Variants in ADAMTS17 observed in about 807,000 individuals in gnomAD.
ADAMTS17 encodes the protein A disintegrin and metalloproteinase with thrombospondin motifs 17.
A neutral mutation model predicts 141.5 loss-of-function variants in ADAMTS17; 113 were observed. That is an observed-to-expected ratio of 0.80 (90% confidence interval 0.69 to 0.93). ADAMTS17 has a LOEUF of 0.93. ADAMTS17 is among the 40% of genes least tolerant of loss of function. The probability of loss-of-function intolerance (pLI) is 0.00; values close to 1 mark genes in which losing one functional copy is unlikely to be tolerated. For missense variants in ADAMTS17, 1,659 were observed against 1,517.9 expected (o/e 1.09, Z -1.54); for synonymous variants, 768 against 630.6 (o/e 1.22, Z -3.27).
rs182080623 is a variant in ADAMTS17, at chr15:100,122,971, G to A, written c.1722-5958C>T. Among the ~76,000 whole-genome samples, 288 of 152,320 alleles carry A rather than the reference G, an allele frequency of 1.9e-3. 1 individual carries two copies. In the South Asian group the frequency reaches 0.026, roughly 14 times the overall value. On this transcript the variant is annotated intron_variant, in intron 12 of 21. Coordinates refer to ENST00000268070, the MANE Select transcript of ADAMTS17 (RefSeq NM_139057.4). ...ACAGAAAGAGGCATCCTCCATCTGC[G>A]GCATAGAGAAGACAGAAGGAGAATC...
At chr15:100,157,694 G>T (rs1014800454) in intron 8 of ADAMTS17, among the ~76,000 whole-genome samples, 1 of 152,114 alleles carries the variant, frequency 6.6e-6, no homozygotes, top group African/African-American at 2.4e-5. Context: ...AAAAATACCG[G>T]ACAACTCATA....
At chr15:100,260,443 A>G (rs1482436373) in intron 6 of ADAMTS17, among the ~76,000 whole-genome samples, 4 of 151,870 alleles carry the variant, frequency 2.6e-5, no homozygotes, top group Non-Finnish European at 5.9e-5. Context: ...GTGAAACCCC[A>G]TCTCTACTAA....
intron 8 of ADAMTS17, among the ~76,000 whole-genome samples, chr15:100,197,205 C>T (rs1047265856): frequency 5.3e-5 from 8 of 152,194 alleles, no homozygotes; most frequent in East Asian, 1.9e-4. Context: ...GGCATGTGTG[C>T]GCCCACACGT....
intron 15 of ADAMTS17, among the ~76,000 whole-genome samples, chr15:100,078,384 T>C (rs1182569881): frequency 6.6e-6 from 1 of 152,180 alleles, no homozygotes; most frequent in Non-Finnish European, 1.5e-5. Flanking sequence ...GGTAATGGCA[T>C]AAGGACAGTC....
chr15:100,126,177 G>T (rs1203442385), intron 12 of ADAMTS17: 1 of 152,202 alleles, frequency 6.6e-6, no homozygotes, highest in Admixed American at 6.5e-5. Context: ...CATAAAACAC[G>T]CCACATCCTG....
intron 10 of ADAMTS17, among the ~76,000 whole-genome samples, chr15:100,134,471 C>A (rs1158082935): frequency 3.3e-5 from 5 of 152,160 alleles, no homozygotes; most frequent in African/African-American, 1.2e-4. Context: ...AAGACATCAC[C>A]CTCCAGGGTG....
At chr15:100,038,016 T>C (rs2030912207) in intron 18 of ADAMTS17, among the ~76,000 whole-genome samples, 1 of 152,062 alleles carries the variant, frequency 6.6e-6, no homozygotes, top group Non-Finnish European at 1.5e-5. Flanking sequence ...ACTCAAGCAA[T>C]CCTCTAAAGT....
chr15:100,095,867 A>G (rs11853790), intron 15 of ADAMTS17, among the ~76,000 whole-genome samples: 34,981 of 152,186 alleles, frequency 0.23, 5,173 homozygotes, highest in East Asian at 0.48. Flanking sequence ...CAGGAGGCTC[A>G]GGTACTCCGG....
At chr15:100,063,883 C>T (rs879162245) in intron 15 of ADAMTS17, 107 of 579,226 alleles carry the variant, frequency 1.8e-4, no homozygotes, top group East Asian at 1.6e-3. Flanking sequence ...GGAGGGCTGG[C>T]GCAGAAGAAG....
rs200327256 is a variant in ADAMTS17, at chr15:100,132,008, G to A, written c.1720C>T (p.Pro574Ser). 227 of 1,614,236 alleles carry A rather than the reference G, an allele frequency of 1.4e-4. No homozygotes were observed. Among genetic ancestry groups the A allele is most frequent in the Non-Finnish European group, 1.7e-4 (206 of 1,180,042 alleles). ...RFRQRKCDNP[P>S]PGPGGTHCPG... ...GGTATGGCTGGTCAGGGGACTTACG[G>A]GGGGTTGTCACATTTCCTCTGCCTG... Residue 574 changes from proline (P) to serine (S), a missense_variant and splice_region_variant, in exon 12 of 22, where the codon CCC becomes TCC. Physicochemically the swap from Pro to Ser is moderately conservative, Grantham distance 74 (BLOSUM62 -1). Coordinates refer to ENST00000268070, the MANE Select transcript of ADAMTS17 (RefSeq NM_139057.4).
chr15:100,269,729 C>G (rs999692715), intron 4 of ADAMTS17, among the ~76,000 whole-genome samples: 10 of 152,174 alleles, frequency 6.6e-5, no homozygotes, highest in Admixed American at 5.9e-4. Flanking sequence ...AGAGGTCAAG[C>G]CTGCATGACC....
intron 14 of ADAMTS17, among the ~76,000 whole-genome samples, chr15:100,097,488 C>A (rs899103679): frequency 1.3e-4 from 20 of 152,238 alleles, no homozygotes; most frequent in African/African-American, 4.6e-4. Context: ...CAGGTACTCC[C>A]ACCTGCAGGC....
chr15:100,187,145 C>T (rs2040747270), intron 8 of ADAMTS17, among the ~76,000 whole-genome samples: 1 of 152,194 alleles, frequency 6.6e-6, no homozygotes. Context: ...CACTGCACAT[C>T]CCTGGTGTGT....
In ADAMTS17 at chr15:100,016,622, A is replaced by C. The variant is rs146097101; in HGVS notation, c.2592-19033T>G. Among the ~76,000 whole-genome samples the C allele has an allele frequency of 1.7e-3, 259 of 152,232 alleles. 1 individual carries two copies. The highest frequency in any genetic ancestry group is 6.0e-3 in the African/African-American group (248 of 41,524). ...GCTTCCTGTGAGCCGAACTGAAGTGATTGCTGTCTCTCTTCTGGGTCTAGC... is the reference window on the plus strand; with the variant it reads ...GCTTCCTGTGAGCCGAACTGAAGTGCTTGCTGTCTCTCTTCTGGGTCTAGC... On this transcript the variant is annotated intron_variant, in intron 18 of 21. Coordinates refer to ENST00000268070, the MANE Select transcript of ADAMTS17 (RefSeq NM_139057.4).
intron 8 of ADAMTS17, among the ~76,000 whole-genome samples, chr15:100,171,970 A>G (rs1266573478): frequency 6.6e-6 from 1 of 152,152 alleles, no homozygotes; most frequent in East Asian, 1.9e-4. Flanking sequence ...CCCTCTCTGA[A>G]AAGCACATAA....
intron 10 of ADAMTS17, among the ~76,000 whole-genome samples, chr15:100,145,066 T>G (rs1338658484): frequency 6.6e-6 from 1 of 152,220 alleles, no homozygotes; most frequent in Non-Finnish European, 1.5e-5. Context: ...TCATATTTCA[T>G]CATTTTTTGT....
intron 7 of ADAMTS17, among the ~76,000 whole-genome samples, chr15:100,249,243 C>G (rs557872112): frequency 6.6e-6 from 1 of 152,322 alleles, no homozygotes; most frequent in South Asian, 2.1e-4. Context: ...CACTAGCACC[C>G]CTGTGAAGCC....
At chr15:100,315,043 C>G (rs917847959) in intron 3 of ADAMTS17, among the ~76,000 whole-genome samples, 3 of 152,230 alleles carry the variant, frequency 2.0e-5, no homozygotes, top group Non-Finnish European at 2.9e-5. Context: ...CCCGCCGGCT[C>G]TGTTGTAATG....
chr15:100,285,747 G>A (rs2044425981), intron 3 of ADAMTS17, among the ~76,000 whole-genome samples: 1 of 152,192 alleles, frequency 6.6e-6, no homozygotes, highest in African/African-American at 2.4e-5. Flanking sequence ...AGGTGGCAGG[G>A]GCAGGACTCC....
Sources: allele counts gnomAD v4.1 joint callset (sites outside exome capture counted in the v4.1 genomes callset), GRCh38; gene constraint gnomAD v4.1.1; transcripts MANE v1.5; gene names NCBI Gene and HGNC (gene_info 2026-07-23, HGNC 2026-07-21).